The following POGK variants were observed in gnomAD, a reference collection of about 807,000 sequenced individuals.
POGK encodes the protein pogo transposable element with KRAB domain.
Under a neutral mutation model 54.4 loss-of-function variants are expected in POGK, and 16 were observed. The observed-to-expected ratio is 0.29, with a 90% CI of 0.20 to 0.45. The LOEUF (loss-of-function observed/expected upper bound fraction) is 0.45, where lower values mean the gene tolerates loss of function less well. Among genes scored for constraint, POGK ranks in the 20% least tolerant of loss-of-function variants. The pLI is 1.00. For synonymous variants in POGK, 271 were observed against 302.2 expected (o/e 0.90, Z 1.07); for missense variants, 515 against 795.6 (o/e 0.65, Z 4.24).
In POGK at chr1:166,850,390, G is replaced by C. The variant is rs554205479; in HGVS notation, c.1811G>C (p.Ser604Thr). 3 of 1,609,758 alleles carry C rather than the reference G, an allele frequency of 1.9e-6. No individual in the cohort carries two copies. Among genetic ancestry groups the C allele is most frequent in the Admixed American group, 1.7e-5 (1 of 59,868 alleles). ...CCACCAAAAGATTGTGACACCGAAA[G>C]CATGGCTGAGAGCAACTGAAGGGAA... ...GEPPKDCDTE[S>T]MAESN The change falls in exon 5 of 6, where the codon AGC becomes ACC. Residue 604 changes from serine (S) to threonine (T), a missense_variant. Ser to Thr is a moderately conservative substitution (Grantham distance 58). Coordinates refer to ENST00000367876, the MANE Select transcript of POGK (RefSeq NM_017542.5).
chr1:166,846,070 T>C (rs1391633620), intron 2 of POGK, among the ~76,000 whole-genome samples: 2 of 152,192 alleles, frequency 1.3e-5, no homozygotes, highest in African/African-American at 4.8e-5. Flanking sequence ...TCTAACACTT[T>C]GGTTAGTACC....
chr1:166,848,663 C>G (rs1657935790), intron 4 of POGK, among the ~76,000 whole-genome samples: 1 of 152,174 alleles, frequency 6.6e-6, no homozygotes, highest in South Asian at 2.1e-4. Flanking sequence ...GGCTTGGCTA[C>G]CTTGGTGCAT....
At position 166,841,039 on chromosome 1, in the gene POGK, ACGGCC is replaced by A; in HGVS notation, c.88_92del (p.Pro30ArgfsTer10). 2 of 1,614,012 alleles carry A rather than the reference ACGGCC, an allele frequency of 1.2e-6. No individual in the cohort carries two copies. The highest frequency in any genetic ancestry group is 1.7e-6 in the Non-Finnish European group (2 of 1,180,004). On this transcript the variant is annotated frameshift_variant, in exon 2 of 6. Coordinates refer to ENST00000367876, the MANE Select transcript of POGK (RefSeq NM_017542.5). LOFTEE classifies it high-confidence loss of function. ...GAGATTCAGAGCCGGGAACTAGAGG[ACGGCC>A]CGGCAGACATGCAGAAAGTACGAAT... is the stretch of plus-strand genomic sequence containing the variant.
chr1:166,847,912 C>A (rs1469459439), intron 4 of POGK, among the ~76,000 whole-genome samples: 1 of 152,162 alleles, frequency 6.6e-6, no homozygotes, highest in Non-Finnish European at 1.5e-5. Flanking sequence ...CAGTGGCGTA[C>A]CATGTGCCTC....
At chr1:166,842,737 G>C (rs1657564462) in intron 2 of POGK, among the ~76,000 whole-genome samples, 1 of 152,008 alleles carries the variant, frequency 6.6e-6, no homozygotes, top group Non-Finnish European at 1.5e-5. Context: ...TTGTTGGTCT[G>C]ACTTGGTGGG....
chr1:166,842,614 G>T (rs1455436589), intron 2 of POGK, among the ~76,000 whole-genome samples: 1 of 152,212 alleles, frequency 6.6e-6, no homozygotes, highest in Non-Finnish European at 1.5e-5. Flanking sequence ...CCTGGACAAG[G>T]CCTAATCTTG....
Position 166,849,865 on chromosome 1 carries a change from G to T in POGK, c.1286G>T (p.Ser429Ile), listed in dbSNP as rs766033025. Reference sequence around the variant, plus strand: ...TATATCCCCCCGGGGAAGTTTCCCAGTGGGATGGAAATTCGCTGCCACCGG... The same window carrying T: ...TATATCCCCCCGGGGAAGTTTCCCATTGGGATGGAAATTCGCTGCCACCGG... ...GTYIPPGKFP[S>I]GMEIRCHRYG... The change falls in exon 5 of 6, where the codon AGT becomes ATT. Residue 429 changes from serine (S) to isoleucine (I), a missense_variant. Ser to Ile is a moderately radical substitution (Grantham distance 142). Coordinates refer to ENST00000367876, the MANE Select transcript of POGK (RefSeq NM_017542.5). 8 of 1,614,164 alleles carry T rather than the reference G, an allele frequency of 5.0e-6. No homozygotes were observed. The highest frequency in any genetic ancestry group is 6.8e-6 in the Non-Finnish European group (8 of 1,180,062).
rs1658226692 is a variant in POGK, at chr1:166,855,044, C to G, written c.*2474C>G. 6.6e-6 allele frequency: 1 copy of G among 150,756 alleles called. No homozygotes were observed. The highest frequency in any genetic ancestry group is 2.1e-4 in the South Asian group (1 of 4,828). The allele number at this position is 150,756 out of a possible 1,614,324, so 9.3% of individuals were successfully genotyped here. On this transcript the variant is annotated 3_prime_UTR_variant, in exon 6 of 6. Coordinates refer to ENST00000367876, the MANE Select transcript of POGK (RefSeq NM_017542.5). ...CGGCATTTACCTGTGGTCATCACTT[C>G]AGGCAATGGAAAGGAAAAGTGTTTG...
At chr1:166,851,540 CAAG>C (rs765728595) in intron 5 of POGK, 1 of 152,256 alleles carries the variant, frequency 6.6e-6, no homozygotes, top group Non-Finnish European at 1.5e-5. Flanking sequence ...GTTGAGTACA[CAAG>C]AAGAACAGCT....
rs1047096398 is a variant in POGK at position 166,855,003 on chromosome 1, A to G, written c.*2433A>G. The G allele has an allele frequency of 1.3e-5, 2 of 152,196 alleles. No homozygotes were observed. Among genetic ancestry groups the G allele is most frequent in the African/African-American group, 4.8e-5 (2 of 41,444 alleles). 9.4% of individuals were successfully genotyped at this position (152,196 alleles called of 1,614,324 possible). A position where few individuals can be genotyped will look rare whatever the true frequency, so the allele number is the denominator to read the frequency against. ...CCCAGAGGCATTTTGGAATGAGTCA[A>G]AGGCATGGTAGGACACGGCATTTAC... On this transcript the variant is annotated 3_prime_UTR_variant, in exon 6 of 6. Transcript: ENST00000367876.
In POGK at chr1:166,847,490, A is replaced by G; in HGVS notation, c.260-4A>G. ...CTGTTACCTATTTTATTTCCTATAAACAGAATTCCCATTCCCTAAGCCAGA... is the reference window on the plus strand; with the variant it reads ...CTGTTACCTATTTTATTTCCTATAAGCAGAATTCCCATTCCCTAAGCCAGA... On this transcript the variant is annotated splice_region_variant and splice_polypyrimidine_tract_variant and intron_variant, in intron 3 of 5. Transcript: ENST00000367876. The G allele has an allele frequency of 6.2e-7, 1 of 1,611,922 alleles. No individual in the cohort carries two copies. Among genetic ancestry groups the G allele is most frequent in the Non-Finnish European group, 8.5e-7 (1 of 1,178,178 alleles).
At chr1:166,845,720 A>G (rs1657818372) in intron 2 of POGK, among the ~76,000 whole-genome samples, 1 of 152,254 alleles carries the variant, frequency 6.6e-6, no homozygotes, top group Non-Finnish European at 1.5e-5. Flanking sequence ...TTATCACTAA[A>G]TAGGATGAGC....
chr1:166,845,715 A>C (rs575098047), intron 2 of POGK, among the ~76,000 whole-genome samples: 1 of 152,334 alleles, frequency 6.6e-6, no homozygotes, highest in South Asian at 2.1e-4. Context: ...CCTTCTTATC[A>C]CTAAATAGGA....
At chr1:166,847,460 C>T (rs1196892423) in intron 3 of POGK, 34 bp from the exon 4 acceptor site, 2 of 1,524,966 alleles carry the variant, frequency 1.3e-6, no homozygotes, top group Non-Finnish European at 1.8e-6. Context: ...GACAGTAACA[C>T]ACAGCTGTTA....
At chr1:166,844,810 G>T (rs1209875918) in intron 2 of POGK, among the ~76,000 whole-genome samples, 1 of 152,120 alleles carries the variant, frequency 6.6e-6, no homozygotes, top group Admixed American at 6.5e-5. Flanking sequence ...TGAGTGCCCC[G>T]GGAGTGTGGA....
intron 3 of POGK, 88 bp downstream of exon 3, chr1:166,846,826 C>T: frequency 6.5e-7 from 1 of 1,532,916 alleles, no homozygotes; most frequent in Non-Finnish European, 9.0e-7. Flanking sequence ...TCCAATGTCC[C>T]TCTCTCCTGA....
intron 4 of POGK, among the ~76,000 whole-genome samples, chr1:166,848,624 C>G (rs775757049): frequency 3.3e-5 from 5 of 152,194 alleles, no homozygotes; most frequent in Non-Finnish European, 7.3e-5. Context: ...CTTGGTTCCT[C>G]TGTTGAGTTC....
chr1:166,844,135 C>T (rs979573681), intron 2 of POGK, among the ~76,000 whole-genome samples: 1 of 152,198 alleles, frequency 6.6e-6, no homozygotes, highest in East Asian at 1.9e-4. Flanking sequence ...GAAGATCCTC[C>T]GTGGCTCAGT....
chr1:166,849,219 A>G lies in POGK; in HGVS notation c.640A>G (p.Ser214Gly). 2.5e-6 allele frequency: 4 copies of G among 1,614,224 alleles called. No homozygotes were observed. Among genetic ancestry groups the G allele is most frequent in the Non-Finnish European group, 3.4e-6 (4 of 1,180,036 alleles). ...GCTGATGGTAGTGGAATATGCTGAG[A>G]GTACCAACAACTGCCAGGCTGCCAA... is the stretch of plus-strand genomic sequence containing the variant. ...FKLMVVEYAE[S>G]TNNCQAAKQF... The change falls in exon 5 of 6, where the codon AGT becomes GGT. Residue 214 changes from serine (S) to glycine (G), a missense_variant. Physicochemically the swap from Ser to Gly is moderately conservative, Grantham distance 56. Around this residue, in one of 2 missense-constraint regions of POGK, gnomAD observed 461 missense variants for 743.5 expected, o/e 0.62. Coordinates refer to ENST00000367876, the MANE Select transcript of POGK (RefSeq NM_017542.5).
Sources: allele counts gnomAD v4.1 joint callset (sites outside exome capture counted in the v4.1 genomes callset), GRCh38; gene constraint gnomAD v4.1.1; regional missense constraint gnomAD v4.1.1; transcripts MANE v1.5; gene names NCBI Gene and HGNC (gene_info 2026-07-23, HGNC 2026-07-21).